Variants in ZFYVE26 observed in about 807,000 individuals in gnomAD.
The protein encoded by ZFYVE26 is zinc finger FYVE domain-containing protein 26.
ZFYVE26 carries 181 observed loss-of-function variants against 276.5 expected under a neutral mutation model. The ratio of observed to expected loss-of-function variants is 0.65; its 90% CI spans 0.58 to 0.74. The LOEUF (loss-of-function observed/expected upper bound fraction) is 0.74, where lower values mean the gene tolerates loss of function less well. Ranked by LOEUF, ZFYVE26 falls within the 30% of genes least tolerant of loss-of-function variation. The pLI, the probability that ZFYVE26 is intolerant of heterozygous loss-of-function variation, is 0.00. For missense variants in ZFYVE26, 2,821 were observed against 3,097.9 expected (o/e 0.91, Z 2.12); for synonymous variants, 1,129 against 1,203.1 (o/e 0.94, Z 1.27).
rs76327447 is a variant in ZFYVE26 at position 67,761,549 on chromosome 14, C to T, written c.6405G>A (p.Leu2135=). ...GGCTCTGCGTCCGAAGGGTAGCTTC[C>T]AGTTCCCTCAGGGTGGCAAAGTAAT... is the stretch of plus-strand genomic sequence containing the variant. ...DDDYFATLRE[L]EATLRTQSLS... is the part of the protein sequence containing the mutation. Residue 2135 remains leucine (L), a synonymous_variant, in exon 35 of 42, where the codon CTG becomes CTA. Coordinates refer to ENST00000347230, the MANE Select transcript of ZFYVE26 (RefSeq NM_015346.4). 2.7e-3 allele frequency: 4,362 copies of T among 1,614,160 alleles called. 163 individuals carry two copies. In the East Asian group the frequency reaches 0.08, roughly 30 times the overall value.
intron 38 of ZFYVE26, 105 bp downstream of exon 38, chr14:67,753,966 C>A: frequency 6.3e-7 from 1 of 1,578,406 alleles, no homozygotes; most frequent in Non-Finnish European, 8.7e-7. Context: ...AGTGGGGAGG[C>A]AGCCATCAAA....
chr14:67,753,782 A>AATC lies in ZFYVE26; in HGVS notation c.7129-19_7129-17dup, dbSNP rs111465559. The AATC allele has an allele frequency of 0.12, 197,401 of 1,611,424 alleles. 12,752 individuals are homozygous for AATC. The highest frequency in any genetic ancestry group is 0.2 in the Middle Eastern group (1,215 of 6,058). ...CCAGCATGACCTGAAAAGGAAAGGG[A>AATC]ATCATGCTTAAAAACATGGCAATTA... On this transcript the variant is annotated splice_polypyrimidine_tract_variant and intron_variant, in intron 38 of 41. Coordinates refer to ENST00000347230, the MANE Select transcript of ZFYVE26 (RefSeq NM_015346.4).
Position 67,783,128 on chromosome 14 carries a change from G to C in ZFYVE26, c.4024C>G (p.Arg1342Gly), listed in dbSNP as rs368778263. Residue 1342 changes from arginine (R) to glycine (G), a missense_variant, in exon 21 of 42, where the codon CGC becomes GGC. Transcript: ENST00000347230. ...TCTGCAGCCAGAGGCACCTCCCTGC[G>C]GCCACGAAGTTCCTTCCATGACAAG... ...PSLSWKELRG[R>G]REVPLAAEQV... 2.6e-5 allele frequency: 42 copies of C among 1,608,562 alleles called. No individual in the cohort carries two copies. The highest frequency in any genetic ancestry group is 3.4e-5 in the Non-Finnish European group (40 of 1,176,172).
At chr14:67,792,574 G>C (rs892450247) in intron 14 of ZFYVE26, among the ~76,000 whole-genome samples, 1 of 152,048 alleles carries the variant, frequency 6.6e-6, no homozygotes, top group Non-Finnish European at 1.5e-5. Flanking sequence ...AAATATTCTA[G>C]TCTGCTAGCT....
intron 4 of ZFYVE26, 73 bp from the exon 5 acceptor site, chr14:67,807,993 T>G: frequency 6.5e-7 from 1 of 1,548,238 alleles, no homozygotes; most frequent in Non-Finnish European, 8.9e-7. Context: ...CCTTCATGCT[T>G]TCCTCTTTTT....
intron 8 of ZFYVE26, 55 bp downstream of exon 8, chr14:67,805,162 G>A: frequency 6.5e-7 from 1 of 1,545,512 alleles, no homozygotes; most frequent in South Asian, 1.1e-5. Context: ...CACATGCGGA[G>A]CACAGGGTCA....
chr14:67,793,531 G>A, intron 14 of ZFYVE26, 77 bp downstream of exon 14: 1 of 1,538,086 alleles, frequency 6.5e-7, no homozygotes, highest in African/African-American at 1.4e-5. Context: ...GCTCCCAGGT[G>A]GCTCTGGTTG....
At chr14:67,762,557 G>C in intron 33 of ZFYVE26, 115 bp downstream of exon 33, 1 of 1,573,138 alleles carries the variant, frequency 6.4e-7, no homozygotes, top group Non-Finnish European at 8.6e-7. Flanking sequence ...TCATGTCCCC[G>C]ATTCTACCCC....
At chr14:67,736,688 A>G (rs2038356712) in intron 13 of ZFYVE26, among the ~76,000 whole-genome samples, 1 of 152,262 alleles carries the variant, frequency 6.6e-6, no homozygotes, top group African/African-American at 2.4e-5. Flanking sequence ...AATGGTGAAC[A>G]TATTTGAAAT....
intron 35 of ZFYVE26, among the ~76,000 whole-genome samples, chr14:67,757,890 T>C (rs1798100240): frequency 6.6e-6 from 1 of 152,078 alleles, no homozygotes; most frequent in South Asian, 2.1e-4. Flanking sequence ...AGTTTTTGTA[T>C]TTTTAGTAGA....
chr14:67,736,593 T>G (rs914876871), intron 13 of ZFYVE26, among the ~76,000 whole-genome samples: 5 of 152,174 alleles, frequency 3.3e-5, no homozygotes, highest in African/African-American at 1.2e-4. Context: ...GATAGCATTC[T>G]TAAGACATGA....
Position 67,815,829 on chromosome 14 carries a change from AT to A in ZFYVE26, c.134del (p.Asp45ValfsTer6). The A allele has an allele frequency of 6.2e-7, 1 of 1,614,074 alleles. No homozygotes were observed. The highest frequency in any genetic ancestry group is 8.5e-7 in the Non-Finnish European group (1 of 1,180,044). On this transcript the variant is annotated frameshift_variant, in exon 2 of 42. Coordinates refer to ENST00000347230, the MANE Select transcript of ZFYVE26 (RefSeq NM_015346.4). LOFTEE classifies it high-confidence loss of function. ...CVPQLQEGQG[D>X]IPKRVEDILQ... ...GTATGTCTTCTACCCTCTTTGGGAT[AT>A]CCCCTTGTCCCTCCTGTAGCTGAGG...
chr14:67,804,920 T>C (rs981906084), intron 8 of ZFYVE26, among the ~76,000 whole-genome samples: 2 of 152,220 alleles, frequency 1.3e-5, no homozygotes, highest in Admixed American at 6.5e-5. Flanking sequence ...AAATCATCCA[T>C]GTAAAGGGCT....
Position 67,752,521 on chromosome 14 carries a change from G to T in ZFYVE26, c.7194C>A (p.Phe2398Leu), listed in dbSNP as rs1267754295. ...FGIAFRVLQDFQLDAAMTYCR... is the reference protein window; with the variant it reads ...FGIAFRVLQDLQLDAAMTYCR... ...AGTAGGTCATGGCAGCATCCAGCTG[G>T]AAGTCCTAGAACAGAACACAACATG... Residue 2398 changes from phenylalanine to leucine, a missense_variant, in exon 40 of 42, where the codon TTC becomes TTA. Transcript: ENST00000347230. The T allele has an allele frequency of 1.2e-6, 2 of 1,614,128 alleles. No individual in the cohort carries two copies. Among genetic ancestry groups the T allele is most frequent in the East Asian group, 2.2e-5 (1 of 44,884 alleles).
downstream of ZFYVE26, among the ~76,000 whole-genome samples, chr14:67,745,871 A>T (rs1436036862): frequency 6.8e-6 from 1 of 148,010 alleles, no homozygotes; most frequent in Admixed American, 6.9e-5. Flanking sequence ...ACAAAAAATA[A>T]AAAAAAATTA....
In ZFYVE26 at chr14:67,813,986, C is replaced by A. The variant is rs547425811; in HGVS notation, c.273G>T (p.Lys91Asn). ...GAAAATTTAATATAAACCTACTTAC[C>A]TTTTCCCGGGCCAACCATTTCTCCA... ...LVLEKWLARE[K>N]KLLPVVFRRK... The change falls in exon 3 of 42, where the codon AAG becomes AAT. Residue 91 changes from lysine to asparagine, a missense_variant and splice_region_variant. Physicochemically the swap from Lys to Asn is moderately conservative, Grantham distance 94. Transcript: ENST00000347230. 5.6e-6 allele frequency: 9 copies of A among 1,612,776 alleles called. No homozygotes were observed. In the South Asian group the frequency reaches 9.9e-5, roughly 18 times the overall value.
At chr14:67,757,824 C>T (rs992083891) in intron 35 of ZFYVE26, among the ~76,000 whole-genome samples, 3 of 152,148 alleles carry the variant, frequency 2.0e-5, no homozygotes, top group African/African-American at 4.8e-5. Flanking sequence ...AAGCGATTCT[C>T]CTGCCTCAGC....
At chr14:67,802,697 T>C (rs972485924) in intron 9 of ZFYVE26, among the ~76,000 whole-genome samples, 1 of 152,184 alleles carries the variant, frequency 6.6e-6, no homozygotes, top group Non-Finnish European at 1.5e-5. Flanking sequence ...AATACTGTAT[T>C]TCTTTGGAAG....
chr14:67,786,293 T>C, intron 16 of ZFYVE26, 60 bp from the exon 17 acceptor site: 1 of 1,493,824 alleles, frequency 6.7e-7, no homozygotes, highest in East Asian at 2.6e-5. Flanking sequence ...TTTTCAGAGA[T>C]TGACACTCAG....
Sources: allele counts gnomAD v4.1 joint callset (sites outside exome capture counted in the v4.1 genomes callset), GRCh38; gene constraint gnomAD v4.1.1; transcripts MANE v1.5; gene names NCBI Gene and HGNC (gene_info 2026-07-23, HGNC 2026-07-21).